Variants in GOLGA8B observed in about 807,000 individuals in gnomAD.
The protein encoded by GOLGA8B is golgin subfamily A member 8B.
In GOLGA8B, 1 loss-of-function variant was observed where a neutral mutation model predicts 15.6. The ratio of observed to expected loss-of-function variants is 0.06; its 90% confidence interval spans 0.02 to 0.30. The LOEUF is 0.30. Ranked by LOEUF, GOLGA8B falls within the 10% of genes least tolerant of loss-of-function variation. The probability of loss-of-function intolerance (pLI) is 1.00; values close to 1 mark genes in which losing one functional copy is unlikely to be tolerated. For missense variants in GOLGA8B, 17 were observed against 201.3 expected, an observed-to-expected ratio of 0.08 and a Z score of 5.54; for synonymous variants, 9 against 80.3, an observed-to-expected ratio of 0.11 and a Z score of 4.75.
At chr15:34,563,675 T>C in intron 1 of GOLGA8B, among the ~76,000 whole-genome samples, 1 of 151,992 alleles carries the variant, frequency 6.6e-6, no homozygotes, top group East Asian at 1.9e-4. Flanking sequence ...CAGTTTTCCT[T>C]CTGTAAGACA....
intron 1 of GOLGA8B, among the ~76,000 whole-genome samples, chr15:34,579,498 A>G (rs963170024): frequency 1.3e-5 from 2 of 152,230 alleles, no homozygotes; most frequent in Non-Finnish European, 2.9e-5. Flanking sequence ...CTGGGTGCAG[A>G]GAACCCAAAC....
In GOLGA8B at chr15:34,557,676, G is replaced by GTC. The variant is rs1555405955; in HGVS notation, c.-1122-3721_-1122-3720insGA. On this transcript the variant is annotated intron_variant, in intron 1 of 23. Transcript: ENST00000683415. The stretch of plus-strand genomic sequence containing the variant: ...TGTGTGTGTGTGTGTGTGTGTGTGT[G>GTC]TGTGTGTCTGTGTACTGAGAGCTTG... Among the ~76,000 whole-genome samples the GTC allele has an allele frequency of 6.6e-3, 713 of 107,814 alleles. 26 individuals are homozygous for GTC. Among genetic ancestry groups the GTC allele is most frequent in the African/African-American group, 0.022 (667 of 29,824 alleles). The allele number at this position is 107,814 out of a possible 152,430, so 70.7% of individuals were successfully genotyped here. A position where few individuals can be genotyped will look rare whatever the true frequency, so the allele number is the denominator to read the frequency against.
chr15:34,577,677 T>C (rs1253508499), intron 1 of GOLGA8B, among the ~76,000 whole-genome samples: 2 of 152,188 alleles, frequency 1.3e-5, no homozygotes, highest in African/African-American at 2.4e-5. Flanking sequence ...CACTAGGTTA[T>C]AGGGTACAGC....
rs1005047992 is a variant in GOLGA8B at position 34,526,509 on chromosome 15, G to A, written c.*1123C>T. The A allele has an allele frequency of 6.7e-6, 1 of 148,862 alleles. No individual in the cohort carries two copies. The allele number at this position is 148,862 out of a possible 1,614,324, so 9.2% of individuals were successfully genotyped here. ...ACTTCAAGCCTCAAAGAAGCTCCAT[G>A]AACAGAGAGGAATGCCAGGTGTCAC... is the stretch of plus-strand genomic sequence containing the variant. On this transcript the variant is annotated 3_prime_UTR_variant, in exon 24 of 24. Transcript: ENST00000683415.
At chr15:34,559,420 T>C (rs917315754) in intron 1 of GOLGA8B, among the ~76,000 whole-genome samples, 3 of 138,138 alleles carry the variant, frequency 2.2e-5, no homozygotes, top group Non-Finnish European at 4.6e-5. Context: ...TTTTACATTA[T>C]GTATATTTAC....
At chr15:34,562,693 C>T (rs1888654069) in intron 1 of GOLGA8B, among the ~76,000 whole-genome samples, 1 of 115,190 alleles carries the variant, frequency 8.7e-6, no homozygotes, top group Admixed American at 9.0e-5. Flanking sequence ...TTTTAAAATG[C>T]CCCCTTTTGT....
chr15:34,572,537 T>A (rs1421667566), intron 1 of GOLGA8B, among the ~76,000 whole-genome samples: 2 of 152,226 alleles, frequency 1.3e-5, no homozygotes, highest in African/African-American at 4.8e-5. Context: ...TTATTTACAG[T>A]AGGATCCCAC....
At chr15:34,580,132 C>A in intron 1 of GOLGA8B, among the ~76,000 whole-genome samples, 1 of 152,064 alleles carries the variant, frequency 6.6e-6, no homozygotes, top group Non-Finnish European at 1.5e-5. Flanking sequence ...AATCCGAGGA[C>A]CAAGGGATAA....
intron 7 of GOLGA8B, among the ~76,000 whole-genome samples, chr15:34,544,543 ACC>A (rs1311550435): frequency 1.7e-5 from 2 of 120,856 alleles, no homozygotes; most frequent in African/African-American, 5.9e-5. Flanking sequence ...TGGACAAGTT[ACC>A]TACCTTCAGT....
In GOLGA8B at chr15:34,578,874, A is replaced by G. The variant is rs11855660; in HGVS notation, c.-1123+4642T>C. Among the ~76,000 whole-genome samples the G allele has an allele frequency of 1.3e-3, 198 of 152,214 alleles. 2 individuals are homozygous for G. The highest frequency in any genetic ancestry group is 4.6e-3 in the African/African-American group (189 of 41,532). On this transcript the variant is annotated intron_variant, in intron 1 of 23. Coordinates refer to ENST00000683415, the MANE Select transcript of GOLGA8B (RefSeq NM_001023567.5). ...CCTTGAAACACAAAACAACAGATGC[A>G]CCACCTTACATTAAAACAGCCCTTT...
At chr15:34,572,924 A>C (rs1456249699) in intron 1 of GOLGA8B, among the ~76,000 whole-genome samples, 1 of 152,184 alleles carries the variant, frequency 6.6e-6, no homozygotes, top group African/African-American at 2.4e-5. Context: ...CCAGAGATAC[A>C]AGATAATTGC....
intron 1 of GOLGA8B, among the ~76,000 whole-genome samples, chr15:34,571,221 G>C (rs1888905013): frequency 6.6e-6 from 1 of 152,132 alleles, no homozygotes; most frequent in East Asian, 1.9e-4. Context: ...GCTGAGGTGG[G>C]AGGATCACTT....
At chr15:34,572,126 C>G (rs993998929) in intron 1 of GOLGA8B, among the ~76,000 whole-genome samples, 33 of 152,206 alleles carry the variant, frequency 2.2e-4, no homozygotes, top group Non-Finnish European at 3.8e-4. Context: ...ACCCACATGA[C>G]TGAATGAAAC....
chr15:34,579,131 G>A (rs549552618), intron 1 of GOLGA8B, among the ~76,000 whole-genome samples: 1 of 152,158 alleles, frequency 6.6e-6, no homozygotes, highest in South Asian at 2.1e-4. Context: ...CAAGCCAGAA[G>A]ACTGGCCCTG....
chr15:34,581,853 C>T (rs1889244765), intron 1 of GOLGA8B, among the ~76,000 whole-genome samples: 2 of 152,178 alleles, frequency 1.3e-5, no homozygotes, highest in African/African-American at 4.8e-5. Flanking sequence ...GACTTGGTGC[C>T]CCATTGCTAC....
chr15:34,572,914 C>G (rs976752631), intron 1 of GOLGA8B, among the ~76,000 whole-genome samples: 1 of 152,140 alleles, frequency 6.6e-6, no homozygotes, highest in African/African-American at 2.4e-5. Flanking sequence ...GCTTTCTTCT[C>G]CAGAGATACA....
intron 1 of GOLGA8B, among the ~76,000 whole-genome samples, chr15:34,582,280 C>G (rs1438009805): frequency 6.6e-6 from 1 of 152,248 alleles, no homozygotes; most frequent in African/African-American, 2.4e-5. Context: ...CCTGCAGGCT[C>G]CTGGCAACTG....
intron 1 of GOLGA8B, among the ~76,000 whole-genome samples, chr15:34,565,135 CTTTTT>C (rs71119971): frequency 1.9e-5 from 2 of 106,936 alleles, no homozygotes; most frequent in Non-Finnish European, 4.4e-5. Flanking sequence ...ATCCAGTTCT[CTTTTT>C]TTTTTTTTTT....
intron 1 of GOLGA8B, among the ~76,000 whole-genome samples, chr15:34,575,085 T>C (rs1411188910): frequency 2.1e-5 from 3 of 140,996 alleles, no homozygotes; most frequent in Admixed American, 7.4e-5. Flanking sequence ...CAATTTAATC[T>C]AGAAATCCTA....
Sources: allele counts gnomAD v4.1 joint callset (sites outside exome capture counted in the v4.1 genomes callset), GRCh38; gene constraint gnomAD v4.1.1; transcripts MANE v1.5; gene names NCBI Gene and HGNC (gene_info 2026-07-23, HGNC 2026-07-21).